BRWD3: variants seen among roughly 807,000 people sequenced by gnomAD.
The protein encoded by BRWD3 is bromodomain and WD repeat-containing protein 3.
BRWD3 carries 10 observed loss-of-function variants against 149.7 expected under a neutral mutation model. The observed-to-expected ratio is 0.07, with a 90% CI of 0.04 to 0.11. BRWD3 has a LOEUF of 0.11. BRWD3 is among the 10% of genes least tolerant of loss of function. The pLI is 1.00. For missense variants in BRWD3, 940 were observed against 1,373.2 expected (o/e 0.68, Z 4.99); for synonymous variants, 504 against 456.7 (o/e 1.10, Z -1.32).
chrX:80,710,076 C>A, intron 20 of BRWD3: 1 of 892,367 alleles, frequency 1.1e-6, no homozygotes, highest in Non-Finnish European at 1.6e-6. Flanking sequence ...AGGGCACCAT[C>A]GGAGCTTGCA....
chrX:80,727,052 A>G (rs1293133669), intron 14 of BRWD3, among the ~76,000 whole-genome samples: 6 of 109,525 alleles, frequency 5.5e-5, no homozygotes, highest in African/African-American at 2.0e-4. Flanking sequence ...GCCTTAGGAG[A>G]GTACATAGTT....
Position 80,717,713 on chromosome X carries a change from C to T in BRWD3, c.2091G>A (p.Arg697=). 7 of 1,211,216 alleles carry T rather than the reference C, an allele frequency of 5.8e-6. No homozygotes were observed. The highest frequency in any genetic ancestry group is 5.6e-6 in the Non-Finnish European group (5 of 895,178). The change falls in exon 19 of 41, where the codon AGG becomes AGA. Residue 697 remains arginine (R), a synonymous_variant. Transcript: ENST00000373275. Reference sequence around the variant, plus strand: ...CAATTTGACTACTATGTCTTCGAAGCCTGATGTTTGGGGAAGAAGATATGT... The same window carrying T: ...CAATTTGACTACTATGTCTTCGAAGTCTGATGTTTGGGGAAGAAGATATGT... The part of the protein sequence containing the change: ...NMDISSSPNI[R]LRRHSSQIEG...
At position 80,685,470 on chromosome X, in the gene BRWD3, G is replaced by T; in HGVS notation, c.4072C>A (p.Leu1358Ile). The change falls in exon 36 of 41, where the codon CTT becomes ATT. Residue 1358 changes from leucine to isoleucine, a missense_variant. By Grantham distance (5) the Leu-to-Ile change is conservative (BLOSUM62 2). Transcript: ENST00000373275. ...VVPERQQDSSLSEDYQDVIDT... is the reference protein window; with the variant it reads ...VVPERQQDSSISEDYQDVIDT... ...GAGACTACCAGGCCTACCTCAGAAA[G>T]AGATGAATCTTGTTGTCTTTCTGGA... The T allele has an allele frequency of 8.3e-7, 1 of 1,206,713 alleles. No individual in the cohort carries two copies. Among genetic ancestry groups the T allele is most frequent in the Non-Finnish European group, 1.1e-6 (1 of 891,491 alleles).
chrX:80,688,117 T>A lies in BRWD3; in HGVS notation c.3816A>T (p.Glu1272Asp). The change falls in exon 34 of 41, where the codon GAA becomes GAT. Residue 1272 changes from glutamate (E) to aspartate (D), a missense_variant. Around this residue, in one of 6 missense-constraint regions of BRWD3, gnomAD observed 349 missense variants for 419.6 expected, o/e 0.83. Transcript: ENST00000373275. ...RNSTDAEEDT[E>D]IVDLDSDGPG... is the part of the protein sequence containing the mutation. ...GACCGTCTGAATCTAAATCAACAAT[T>A]TCTGTATCCTTAATTAAAAAGGAAG... 1 of 1,198,118 alleles carries A rather than the reference T, an allele frequency of 8.3e-7. No homozygotes were observed.
At chrX:80,692,004 A>T (rs768251025) in intron 29 of BRWD3, 26 bp from the exon 30 acceptor site, 42 of 1,167,555 alleles carry the variant, frequency 3.6e-5, no homozygotes, top group Middle Eastern at 5.1e-4. Context: ...AAAAAAAAAA[A>T]TTAGAAAAAA....
In BRWD3 at chrX:80,728,659, T is replaced by C. The variant is rs1282517771; in HGVS notation, c.1386+93A>G. 6.4e-6 allele frequency: 5 copies of C among 783,226 alleles called. No homozygotes were observed. The African/African-American group carries it at 8.5e-5, about 13-fold the overall frequency. The allele number at this position is 783,226 out of a possible 1,213,427, so 64.5% of individuals were successfully genotyped here. ...CATTTTTCCAAGGACTAGTATAGTA[T>C]ATCATAGAAAGGAACCTGGAACTTA... On this transcript the variant is annotated intron_variant, in intron 14 of 40. Transcript: ENST00000373275.
At chrX:80,768,419 C>A (rs938799100) in intron 6 of BRWD3, among the ~76,000 whole-genome samples, 1 of 111,457 alleles carries the variant, frequency 9.0e-6, no homozygotes, top group African/African-American at 3.3e-5. Flanking sequence ...GATTGGGGGC[C>A]AATATTCAAC....
intron 8 of BRWD3, among the ~76,000 whole-genome samples, chrX:80,736,848 T>C (rs1326954873): frequency 9.0e-6 from 1 of 111,583 alleles, no homozygotes; most frequent in African/African-American, 3.3e-5. Flanking sequence ...GAGCTCCTGA[T>C]GTCTGGGACA....
At chrX:80,725,901 T>A (rs1398749687) in intron 14 of BRWD3, among the ~76,000 whole-genome samples, 1 of 111,100 alleles carries the variant, frequency 9.0e-6, no homozygotes, top group Non-Finnish European at 1.9e-5. Context: ...ATAACATGTT[T>A]ACATATGTTA....
chrX:80,739,932 C>T (rs965407889), intron 8 of BRWD3, among the ~76,000 whole-genome samples: 12 of 111,835 alleles, frequency 1.1e-4, no homozygotes, highest in African/African-American at 2.3e-4. Context: ...AAAGCCAAAC[C>T]GCAGATAAGG....
chrX:80,707,053 T>C (rs2072876348), intron 22 of BRWD3, among the ~76,000 whole-genome samples: 1 of 112,745 alleles, frequency 8.9e-6, no homozygotes, highest in Admixed American at 9.3e-5. Context: ...AATAACACTT[T>C]GTGCTACAGT....
intron 15 of BRWD3, 50 bp downstream of exon 15, chrX:80,724,883 T>C: frequency 8.5e-7 from 1 of 1,181,792 alleles, no homozygotes; most frequent in Non-Finnish European, 1.2e-6. Flanking sequence ...AGTTATTATA[T>C]GAGAGAAGTT....
chrX:80,696,225 T>G (rs770492420), intron 26 of BRWD3, among the ~76,000 whole-genome samples: 2 of 110,991 alleles, frequency 1.8e-5, no homozygotes, highest in Non-Finnish European at 3.8e-5. Context: ...TAAACCTTAA[T>G]ATGAGGTATT....
chrX:80,803,829 A>G (rs1208592818), intron 4 of BRWD3, among the ~76,000 whole-genome samples: 1 of 112,378 alleles, frequency 8.9e-6, no homozygotes, highest in East Asian at 2.8e-4. Flanking sequence ...CTGCTATTCT[A>G]ATTGACAATT....
intron 4 of BRWD3, among the ~76,000 whole-genome samples, chrX:80,796,002 TTG>T (rs889521062): frequency 4.5e-5 from 5 of 111,191 alleles, no homozygotes; most frequent in Non-Finnish European, 9.4e-5. Flanking sequence ...AGAAGATATT[TTG>T]TGTGTTTTTT....
rs182667330 is a variant in BRWD3 at position 80,719,281 on chromosome X, T to C, written c.2044+208A>G. On this transcript the variant is annotated intron_variant, in intron 18 of 40. Transcript: ENST00000373275. ...GTAAAAAGAAGACAGTGTATTAAAATGCATCACCTGTATTTCTCAGGAGAC... is the reference window on the plus strand; with the variant it reads ...GTAAAAAGAAGACAGTGTATTAAAACGCATCACCTGTATTTCTCAGGAGAC... Among the ~76,000 whole-genome samples the C allele has an allele frequency of 2.7e-5, 3 of 111,911 alleles. No homozygotes were observed. The East Asian group carries it at 8.3e-4, about 31-fold the overall frequency.
intron 20 of BRWD3, among the ~76,000 whole-genome samples, chrX:80,715,678 T>C (rs1415516183): frequency 8.9e-6 from 1 of 112,214 alleles, no homozygotes; most frequent in Non-Finnish European, 1.9e-5. Flanking sequence ...CAATCTCTGT[T>C]ACAACTATTC....
At chrX:80,750,150 A>G (rs1044323997) in intron 6 of BRWD3, among the ~76,000 whole-genome samples, 2 of 111,759 alleles carry the variant, frequency 1.8e-5, no homozygotes, top group Non-Finnish European at 3.8e-5. Flanking sequence ...AGAAGAAAAC[A>G]TAAGGGAAAA....
rs397975584 is a variant in BRWD3 at position 80,800,574 on chromosome X, C to CA, written c.181-6803dup. ...AAAAATACAAATACAAATACTTGTA[C>CA]AAAAAAAAAAACAAGACTGGAAGAA... is the stretch of plus-strand genomic sequence containing the variant. On this transcript the variant is annotated intron_variant, in intron 4 of 40. Coordinates refer to ENST00000373275, the MANE Select transcript of BRWD3 (RefSeq NM_153252.5). Among the ~76,000 whole-genome samples the CA allele has an allele frequency of 9.5e-3, 820 of 86,378 alleles. 5 individuals are homozygous for CA. Among genetic ancestry groups the CA allele is most frequent in the African/African-American group, 0.029 (698 of 23,768 alleles). The allele number at this position is 86,378 out of a possible 115,157, so 75.0% of individuals were successfully genotyped here.
Sources: gnomAD v4.1 joint callset for allele counts (sites outside exome capture counted in the v4.1 genomes callset) on GRCh38, gnomAD v4.1.1 for gene constraint, gnomAD v4.1.1 regional missense constraint, MANE v1.5 for transcripts, NCBI Gene and HGNC (gene_info 2026-07-23, HGNC 2026-07-21) for gene names.